TOP3B: variants seen among roughly 807,000 people sequenced by gnomAD.
TOP3B encodes DNA topoisomerase III beta.
TOP3B carries 45 observed loss-of-function variants against 93.9 expected under a neutral mutation model. The ratio of observed to expected loss-of-function variants is 0.48; its 90% CI spans 0.38 to 0.61. The LOEUF is 0.61. TOP3B is among the 20% of genes least tolerant of loss of function. The pLI, the probability that TOP3B is intolerant of heterozygous loss-of-function variation, is 0.00. For synonymous variants in TOP3B, 357 were observed against 472.6 expected (o/e 0.76, Z 3.17); for missense variants, 750 against 1,156.1 (o/e 0.65, Z 5.09).
intron 9 of TOP3B, chr22:21,964,600 C>T: frequency 2.0e-6 from 1 of 489,352 alleles, no homozygotes; most frequent in Non-Finnish European, 3.7e-6. Context: ...CCTCATGGGG[C>T]TCATGGCCAT....
At chr22:21,968,907 G>A in intron 6 of TOP3B, 132 bp from the exon 7 acceptor site, 1 of 918,424 alleles carries the variant, frequency 1.1e-6, no homozygotes, top group Non-Finnish European at 1.7e-6. Flanking sequence ...CCACTTAGAA[G>A]CCAGTGGGAG....
At chr22:21,962,340 A>G in intron 13 of TOP3B, 89 bp downstream of exon 13, 1 of 1,603,148 alleles carries the variant, frequency 6.2e-7, no homozygotes, top group African/African-American at 1.3e-5. Context: ...GGCTGGGCAC[A>G]CAGGGCTGGC....
In TOP3B at chr22:21,970,227, G is replaced by T. The variant is rs753599589; in HGVS notation, c.564C>A (p.Ile188=). The T allele has an allele frequency of 7.4e-6, 12 of 1,612,220 alleles. No homozygotes were observed. Among genetic ancestry groups the T allele is most frequent in the Non-Finnish European group, 9.3e-6 (11 of 1,179,994 alleles). The change falls in exon 6 of 18, where the codon ATC becomes ATA. Residue 188 remains isoleucine, a synonymous_variant. Transcript: ENST00000357179. This position sits in a 1 kb window ranked among gnomAD's most constrained non-coding sequence, Gnocchi z 4.4. Reference sequence around the variant, plus strand: ...GCCAGCACCTGGTGAATGCACAGCCGATTCGCAGGTCCAGCTCCTGGCGAG... The same window carrying T: ...GCCAGCACCTGGTGAATGCACAGCCTATTCGCAGGTCCAGCTCCTGGCGAG... ...VDARQELDLR[I]GCAFTRFQTK... is the part of the protein sequence containing the mutation.
Position 21,970,948 on chromosome 22 carries a change from A to G in TOP3B, c.385-542T>C, listed in dbSNP as rs1266469739. The G allele has an allele frequency of 1.7e-6, 2 of 1,177,466 alleles. No homozygotes were observed. The highest frequency in any genetic ancestry group is 3.2e-5 in the African/African-American group (2 of 62,568). 72.9% of individuals were successfully genotyped at this position (1,177,466 alleles called of 1,614,324 possible). A position where few individuals can be genotyped will look rare whatever the true frequency, so the allele number is the denominator to read the frequency against. ...TTGTGGTGGGGGCAGCTCGGGCTAA[A>G]GCACAGCAGGGGTCCTGGAGCCGAG... On this transcript the variant is annotated intron_variant, in intron 5 of 17. Coordinates refer to ENST00000357179, the MANE Select transcript of TOP3B (RefSeq NM_001282112.2). The surrounding 1 kb of genome is among the most constrained non-coding windows in gnomAD (Gnocchi z 4.4).
intron 7 of TOP3B, 57 bp downstream of exon 7, chr22:21,968,562 C>T: frequency 1.2e-6 from 2 of 1,601,984 alleles, no homozygotes; most frequent in Non-Finnish European, 1.7e-6. Flanking sequence ...GGAAGACTCT[C>T]AGAATCCATG....
chr22:21,974,309 G>A, intron 3 of TOP3B, 48 bp downstream of exon 3: 1 of 1,588,638 alleles, frequency 6.3e-7, no homozygotes, highest in African/African-American at 1.3e-5. Context: ...ACCCTGGCCA[G>A]TGCCATGCAG....
rs764457322 is a variant in TOP3B, at chr22:21,972,734, A to C, written c.203-16T>G. ...TTGTATTTTCCTACAAACCAGTCACAGTGACATTGAGTCACAGGAGCTCAG... is the reference window on the plus strand; with the variant it reads ...TTGTATTTTCCTACAAACCAGTCACCGTGACATTGAGTCACAGGAGCTCAG... On this transcript the variant is annotated splice_polypyrimidine_tract_variant and intron_variant, in intron 3 of 17. Coordinates refer to ENST00000357179, the MANE Select transcript of TOP3B (RefSeq NM_001282112.2). 1 of 1,601,410 alleles carries C rather than the reference A, an allele frequency of 6.2e-7. No homozygotes were observed. Among genetic ancestry groups the C allele is most frequent in the Non-Finnish European group, 8.6e-7 (1 of 1,169,124 alleles).
rs1421182674 is a variant in TOP3B at position 21,965,305 on chromosome 22, C to T, written c.923G>A (p.Arg308His). The change falls in exon 9 of 18, where the codon CGT (arginine) becomes CAT (histidine). Residue 308 changes from arginine to histidine, a missense_variant. Physicochemically the swap from Arg to His is conservative, Grantham distance 29. Around this residue, in one of 4 missense-constraint regions of TOP3B, gnomAD observed 737 missense variants for 933.7 expected, o/e 0.79. Transcript: ENST00000357179. ...CATACCCAGAGAAGAGCTGGCCACA[C>T]GCAGCATCTCCACAGTGTTCAGGGC... The part of the protein sequence containing the change: ...PLALNTVEML[R>H]VASSSLGMGP... 8 of 1,599,572 alleles carry T rather than the reference C, an allele frequency of 5.0e-6. No homozygotes were observed. Among genetic ancestry groups the T allele is most frequent in the Non-Finnish European group, 4.3e-6 (5 of 1,172,544 alleles).
rs774922897 is a variant in TOP3B at position 21,958,558 on chromosome 22, G to A, written c.2041C>T (p.Arg681Trp). 5.0e-6 allele frequency: 8 copies of A among 1,614,124 alleles called. No individual in the cohort carries two copies. Among genetic ancestry groups the A allele is most frequent in the Non-Finnish European group, 5.1e-6 (6 of 1,180,040 alleles). The change falls in exon 17 of 18, where the codon CGG becomes TGG. Residue 681 changes from arginine (R) to tryptophan (W), a missense_variant. This residue lies in a region of TOP3B where 737 missense variants were observed against 933.7 expected (regional missense o/e 0.79). Coordinates refer to ENST00000357179, the MANE Select transcript of TOP3B (RefSeq NM_001282112.2). ...FELVLWSSGS[R>W]GKSYPLCPYC... ...GGGCACAGCGGGTAGCTCTTGCCCC[G>A]AGAGCCTGATGACCACAGGACCAGC...
At chr22:21,960,185 G>C in intron 14 of TOP3B, 136 bp downstream of exon 14, 1 of 1,328,122 alleles carries the variant, frequency 7.5e-7, no homozygotes, top group Non-Finnish European at 1.0e-6. Flanking sequence ...CCCCTTCAGC[G>C]GGTGTTGAGG....
Position 21,970,959 on chromosome 22 carries a change from G to A in TOP3B, c.385-553C>T, listed in dbSNP as rs1293235807. On this transcript the variant is annotated intron_variant, in intron 5 of 17. Transcript: ENST00000357179. The surrounding 1 kb of genome is among the most constrained non-coding windows in gnomAD (Gnocchi z 4.4). ...GCAGCTCGGGCTAAAGCACAGCAGG[G>A]GTCCTGGAGCCGAGACTCACTAGGA... 2.5e-6 allele frequency: 3 copies of A among 1,214,412 alleles called. No homozygotes were observed. The highest frequency in any genetic ancestry group is 3.1e-5 in the African/African-American group (2 of 63,706). The allele number at this position is 1,214,412 out of a possible 1,614,324, so 75.2% of individuals were successfully genotyped here. A position where few individuals can be genotyped will look rare whatever the true frequency, so the allele number is the denominator to read the frequency against.
In TOP3B at chr22:21,962,926, C is replaced by T. The variant is rs757270346; in HGVS notation, c.1205-33G>A. The T allele has an allele frequency of 4.4e-6, 7 of 1,603,358 alleles. No individual in the cohort carries two copies. In the South Asian group the frequency reaches 7.7e-5, roughly 18 times the overall value. Reference sequence around the variant, plus strand: ...AGGCCAGGGCTAGTCAGTTGGGAGCCAGCTGGGGGCTCTGGCCGTGAGGAG... The same window carrying T: ...AGGCCAGGGCTAGTCAGTTGGGAGCTAGCTGGGGGCTCTGGCCGTGAGGAG... On this transcript the variant is annotated intron_variant, in intron 11 of 17. Transcript: ENST00000357179.
At chr22:21,972,916 C>T (rs956546568) in intron 3 of TOP3B, 198 bp from the exon 4 acceptor site, 3 of 575,444 alleles carry the variant, frequency 5.2e-6, no homozygotes, top group Non-Finnish European at 9.3e-6. Flanking sequence ...CATCCAGCCT[C>T]CTTTCTGCTC....
intron 14 of TOP3B, chr22:21,960,083 C>T (rs529620101): frequency 1.0e-5 from 7 of 666,986 alleles, no homozygotes; most frequent in African/African-American, 5.4e-5. Flanking sequence ...GAGGCAACTT[C>T]GCCTCCCTTT....
Position 21,972,520 on chromosome 22 carries a change from G to A in TOP3B, c.309+92C>T, listed in dbSNP as rs1041686286. The A allele has an allele frequency of 4.0e-6, 4 of 997,030 alleles. No homozygotes were observed. The Admixed American group carries it at 7.7e-5, about 19-fold the overall frequency. The allele number at this position is 997,030 out of a possible 1,614,324, so 61.8% of individuals were successfully genotyped here. A position where few individuals can be genotyped will look rare whatever the true frequency, so the allele number is the denominator to read the frequency against. On this transcript the variant is annotated intron_variant, in intron 4 of 17. Coordinates refer to ENST00000357179, the MANE Select transcript of TOP3B (RefSeq NM_001282112.2). ...TAGCAAAGGCCCCCCTGTCCAAGGG[G>A]GATTAGGACTCAAGCAAGGGTGGGC...
At chr22:21,976,228 G>A (rs139492930) in intron 1 of TOP3B, 358 of 152,734 alleles carry the variant, frequency 2.3e-3, no homozygotes, top group Admixed American at 3.7e-3. Context: ...AGCACCTCCC[G>A]CTCAGCAAAG....
At chr22:21,964,971 C>T in intron 9 of TOP3B, 1 of 232,356 alleles carries the variant, frequency 4.3e-6, no homozygotes. Flanking sequence ...CCAACCCCCT[C>T]CTCGTTACTA....
At chr22:21,978,895 C>T (rs1419298824) in intron 1 of TOP3B, among the ~76,000 whole-genome samples, 1 of 151,974 alleles carries the variant, frequency 6.6e-6, no homozygotes, top group East Asian at 1.9e-4. Context: ...ACTGCTCTGG[C>T]GAGAAGGAAA....
chr22:21,959,050 A>G, intron 16 of TOP3B, 82 bp downstream of exon 16: 3 of 1,558,782 alleles, frequency 1.9e-6, no homozygotes, highest in Non-Finnish European at 2.6e-6. Flanking sequence ...AGGACAAAGA[A>G]CATGATTCCT....
Sources: allele counts gnomAD v4.1 joint callset (sites outside exome capture counted in the v4.1 genomes callset), GRCh38; gene constraint gnomAD v4.1.1; regional missense constraint gnomAD v4.1.1; non-coding constraint Gnocchi (gnomAD v3.1); transcripts MANE v1.5; gene names NCBI Gene and HGNC (gene_info 2026-07-23, HGNC 2026-07-21).